The following LGI3 variants were observed in gnomAD, a reference collection of about 807,000 sequenced individuals.
LGI3 encodes leucine rich repeat LGI family member 3, also known as leucine-rich repeat LGI family member 3.
LGI3 carries 47 observed loss-of-function variants against 55.4 expected under a neutral mutation model. The observed-to-expected ratio is 0.85, with a 90% confidence interval of 0.67 to 1.08. The LOEUF is 1.08. Among genes scored for constraint, LGI3 ranks in the 50% least tolerant of loss-of-function variants. LGI3 has a pLI of 0.00. For synonymous variants in LGI3, 326 were observed against 315.0 expected, an observed-to-expected ratio of 1.04 and a Z score of -0.37; for missense variants, 664 against 726.3, an observed-to-expected ratio of 0.91 and a Z score of 0.99.
In LGI3 at chr8:22,148,784, C is replaced by G. The variant is rs1827340411; in HGVS notation, c.1023G>C (p.Trp341Cys). The change falls in exon 8 of 8, where the codon TGG (tryptophan) becomes TGC (cysteine). Residue 341 changes from tryptophan to cysteine, a missense_variant. Coordinates refer to ENST00000306317, the MANE Select transcript of LGI3 (RefSeq NM_139278.4). The surrounding 1 kb of genome is among the most constrained non-coding windows in gnomAD (Gnocchi z 7.0). Reference sequence around the variant, plus strand: ...TGGAGCTGTCAGCCACGGCAAAGTACCAGTCACCGTCGATGCGGAAGGCTT... The same window carrying G: ...TGGAGCTGTCAGCCACGGCAAAGTAGCAGTCACCGTCGATGCGGAAGGCTT... The part of the protein sequence containing the change: ...DLEAFRIDGD[W>C]YFAVADSSKA... 9.3e-6 allele frequency: 15 copies of G among 1,614,154 alleles called. No homozygotes were observed. Among genetic ancestry groups the G allele is most frequent in the Non-Finnish European group, 1.3e-5 (15 of 1,180,032 alleles).
At position 22,147,548 on chromosome 8, in the gene LGI3, T is replaced by C; in HGVS notation, c.*612A>G. Reference sequence around the variant, plus strand: ...AGAGAGGCAAGGTAACAGGAGAGCCTGGTAGGCAGTGCTGAATCTGCTTGT... The same window carrying C: ...AGAGAGGCAAGGTAACAGGAGAGCCCGGTAGGCAGTGCTGAATCTGCTTGT... On this transcript the variant is annotated 3_prime_UTR_variant, in exon 8 of 8. Coordinates refer to ENST00000306317, the MANE Select transcript of LGI3 (RefSeq NM_139278.4). The C allele has an allele frequency of 6.6e-6, 1 of 152,640 alleles. No homozygotes were observed. The highest frequency in any genetic ancestry group is 1.5e-5 in the Non-Finnish European group (1 of 68,516). 9.5% of individuals were successfully genotyped at this position (152,640 alleles called of 1,614,324 possible). A position where few individuals can be genotyped will look rare whatever the true frequency, so the allele number is the denominator to read the frequency against.
At chr8:22,153,296 G>A (rs548873224) in intron 5 of LGI3, among the ~76,000 whole-genome samples, 96 of 151,396 alleles carry the variant, frequency 6.3e-4, no homozygotes, top group African/African-American at 2.2e-3. Flanking sequence ...TGTTGGCCAG[G>A]CTGGTCTGGA....
In LGI3 at chr8:22,148,374, C is replaced by T. The variant is rs781696385; in HGVS notation, c.1433G>A (p.Arg478His). ...LALQPFLVGG[R>H]RYLALGSDFS... ...ATCACTGCCCAGTGCCAGGTAGCGG[C>T]GGCCACCCACAAGGAAGGGCTGCAG... Residue 478 changes from arginine (R) to histidine (H), a missense_variant, in exon 8 of 8, where the codon CGC (arginine) becomes CAC (histidine). Transcript: ENST00000306317. The surrounding 1 kb of genome is among the most constrained non-coding windows in gnomAD (Gnocchi z 7.0). 2.5e-5 allele frequency: 40 copies of T among 1,613,282 alleles called. No individual in the cohort carries two copies. The East Asian group carries it at 8.5e-4, about 34-fold the overall frequency.
chr8:22,154,501 C>T, intron 3 of LGI3, 59 bp downstream of exon 3: 1 of 1,500,848 alleles, frequency 6.7e-7, no homozygotes, highest in Non-Finnish European at 9.3e-7. Flanking sequence ...CCCTCGGCCT[C>T]CCAGGCCTGG....
At chr8:22,149,849 G>A (rs535310517) in intron 7 of LGI3, among the ~76,000 whole-genome samples, 1 of 152,040 alleles carries the variant, frequency 6.6e-6, no homozygotes, top group Admixed American at 6.6e-5. Context: ...GGTTTGGTCT[G>A]CCCTGCCCAG....
At position 22,148,274 on chromosome 8, in the gene LGI3, C is replaced by T. The variant is rs1827331511; in HGVS notation, c.1533G>A (p.Gln511=). 6 of 1,614,040 alleles carry T rather than the reference C, an allele frequency of 3.7e-6. No individual in the cohort carries two copies. The highest frequency in any genetic ancestry group is 1.3e-5 in the African/African-American group (1 of 74,932). The part of the protein sequence containing the change: ...KFVRFQELAV[Q]APRAFCYMPA... ...GCATGTAGCAGAAGGCCCGAGGAGCCTGCACAGCCAGCTCCTGGAACCGTA... is the reference window on the plus strand; with the variant it reads ...GCATGTAGCAGAAGGCCCGAGGAGCTTGCACAGCCAGCTCCTGGAACCGTA... The change falls in exon 8 of 8, where the codon CAG becomes CAA. Residue 511 remains glutamine, a synonymous_variant. Coordinates refer to ENST00000306317, the MANE Select transcript of LGI3 (RefSeq NM_139278.4). This position sits in a 1 kb window ranked among gnomAD's most constrained non-coding sequence, Gnocchi z 7.0.
chr8:22,151,856 C>T lies in LGI3; in HGVS notation c.639G>A (p.Leu213=), dbSNP rs767970846. ...CTGTGGTGATGCAATCGAACTCCCGCAGCGGCAGGTCCTGCACCTTGTGCT... is the reference window on the plus strand; with the variant it reads ...CTGTGGTGATGCAATCGAACTCCCGTAGCGGCAGGTCCTGCACCTTGTGCT... ...FQEHKVQDLP[L]REFDCITTDF... is the part of the protein sequence containing the mutation. The change falls in exon 6 of 8, where the codon CTG becomes CTA. Residue 213 remains leucine (L), a synonymous_variant. Coordinates refer to ENST00000306317, the MANE Select transcript of LGI3 (RefSeq NM_139278.4). 3.7e-6 allele frequency: 6 copies of T among 1,611,564 alleles called. No homozygotes were observed. Among genetic ancestry groups the T allele is most frequent in the Non-Finnish European group, 5.1e-6 (6 of 1,178,686 alleles).
Position 22,148,037 on chromosome 8 carries a change from G to T in LGI3, c.*123C>A. ...GTGCGCCTGTACACACTGGGCGTGT[G>T]CGGATACAAGGGCATGAATGCAGGT... On this transcript the variant is annotated 3_prime_UTR_variant, in exon 8 of 8. Coordinates refer to ENST00000306317, the MANE Select transcript of LGI3 (RefSeq NM_139278.4). The surrounding 1 kb of genome is among the most constrained non-coding windows in gnomAD (Gnocchi z 7.0). 1 of 811,408 alleles carries T rather than the reference G, an allele frequency of 1.2e-6. No individual in the cohort carries two copies. Among genetic ancestry groups the T allele is most frequent in the South Asian group, 1.7e-5 (1 of 60,052 alleles). The allele number at this position is 811,408 out of a possible 1,614,324, so 50.3% of individuals were successfully genotyped here. A position where few individuals can be genotyped will look rare whatever the true frequency, so the allele number is the denominator to read the frequency against.
intron 4 of LGI3, 32 bp from the exon 5 acceptor site, chr8:22,154,071 TC>T (rs758172342): frequency 1.9e-6 from 3 of 1,613,760 alleles, no homozygotes; most frequent in Non-Finnish European, 1.7e-6. Context: ...CATCTGAAGA[TC>T]ATGAGCAAGG....
intron 5 of LGI3, among the ~76,000 whole-genome samples, chr8:22,152,862 C>T (rs1271856855): frequency 1.3e-5 from 2 of 151,312 alleles, no homozygotes; most frequent in Non-Finnish European, 2.9e-5. Flanking sequence ...ACCAGCCTGA[C>T]CAACATGGAG....
At position 22,155,471 on chromosome 8, in the gene LGI3, G is replaced by A. The variant is rs763538842; in HGVS notation, c.207-8C>T. 70 of 1,612,970 alleles carry A rather than the reference G, an allele frequency of 4.3e-5. No homozygotes were observed. Among genetic ancestry groups the A allele is most frequent in the Non-Finnish European group, 5.9e-5 (70 of 1,179,522 alleles). On this transcript the variant is annotated splice_polypyrimidine_tract_variant and splice_region_variant and intron_variant, in intron 1 of 7. Transcript: ENST00000306317. ...GCGGCATTCACCAGGGTCCTGCGGGGACACCCGAGTCAGTACTGTGGGGTC... is the reference window on the plus strand; with the variant it reads ...GCGGCATTCACCAGGGTCCTGCGGGAACACCCGAGTCAGTACTGTGGGGTC...
chr8:22,151,778 A>G (rs1827382064), intron 6 of LGI3, 53 bp downstream of exon 6: 4 of 1,578,190 alleles, frequency 2.5e-6, no homozygotes, highest in Non-Finnish European at 3.5e-6. Context: ...CGTGTCTGTA[A>G]AGCTGCCTTG....
chr8:22,147,707 A>G lies in LGI3; in HGVS notation c.*453T>C. 1 of 166,728 alleles carries G rather than the reference A, an allele frequency of 6.0e-6. No individual in the cohort carries two copies. Among genetic ancestry groups the G allele is most frequent in the Non-Finnish European group, 1.3e-5 (1 of 76,664 alleles). The allele number at this position is 166,728 out of a possible 1,614,324, so 10.3% of individuals were successfully genotyped here. A position where few individuals can be genotyped will look rare whatever the true frequency, so the allele number is the denominator to read the frequency against. Reference sequence around the variant, plus strand: ...GGGGCAGGGGTGAGTGGCCCCGGGGAAGCATGACAGATATGGCTGTGGGCT... The same window carrying G: ...GGGGCAGGGGTGAGTGGCCCCGGGGGAGCATGACAGATATGGCTGTGGGCT... On this transcript the variant is annotated 3_prime_UTR_variant, in exon 8 of 8. Coordinates refer to ENST00000306317, the MANE Select transcript of LGI3 (RefSeq NM_139278.4).
Position 22,154,177 on chromosome 8 carries a change from C to T in LGI3, c.387G>A (p.Lys129=). The T allele has an allele frequency of 6.2e-7, 1 of 1,614,082 alleles. No homozygotes were observed. The highest frequency in any genetic ancestry group is 1.3e-5 in the African/African-American group (1 of 75,002). ...AGGACTTGAGTCCTCGGAAGGTGAA[C>T]TTGGATAGTGCCCAGATGTCATTGT... The part of the protein sequence containing the change: ...IENNDIWALS[K]FTFRGLKSLT... Residue 129 remains lysine (K), a synonymous_variant, in exon 4 of 8, where the codon AAG becomes AAA. Coordinates refer to ENST00000306317, the MANE Select transcript of LGI3 (RefSeq NM_139278.4).
In LGI3 at chr8:22,152,470, A is replaced by T. The variant is rs536478066; in HGVS notation, c.495-470T>A. 6.6e-5 allele frequency among the ~76,000 whole-genome samples: 10 copies of T among 152,312 alleles called. No homozygotes were observed. The South Asian group carries it at 1.7e-3, about 25-fold the overall frequency. ...TACATTTAAAAAGCACAGGCTGGGC[A>T]TGGTGGCTCACACCTGTAATCCCAA... is the stretch of plus-strand genomic sequence containing the variant. On this transcript the variant is annotated intron_variant, in intron 5 of 7. Transcript: ENST00000306317.
intron 3 of LGI3, 62 bp from the exon 4 acceptor site, chr8:22,154,275 G>T: frequency 3.0e-6 from 4 of 1,321,062 alleles, no homozygotes; most frequent in South Asian, 2.3e-5. Context: ...AGCAGCACTC[G>T]CCCTACGCCC....
At chr8:22,154,922 C>A in intron 2 of LGI3, 1 of 486,720 alleles carries the variant, frequency 2.1e-6, no homozygotes, top group South Asian at 2.4e-5. Flanking sequence ...CTCTCCCCCA[C>A]CCTCATTCTG....
intron 6 of LGI3, 88 bp from the exon 7 acceptor site, chr8:22,151,741 G>A (rs552383529): frequency 2.4e-5 from 37 of 1,565,458 alleles, no homozygotes; most frequent in Non-Finnish European, 3.1e-5. Flanking sequence ...GCTGCCGCTG[G>A]GTGTTGTGGG....
In LGI3 at chr8:22,155,336, G is replaced by C. The variant is rs1827472994; in HGVS notation, c.278+56C>G. ...TCTCCCTCTCCCCAGCCCAGGATTT[G>C]TCCCCTGCTACCACCCCATAGTTCC... is the stretch of plus-strand genomic sequence containing the variant. On this transcript the variant is annotated intron_variant, in intron 2 of 7. Coordinates refer to ENST00000306317, the MANE Select transcript of LGI3 (RefSeq NM_139278.4). 2.6e-6 allele frequency: 4 copies of C among 1,527,606 alleles called. No individual in the cohort carries two copies. In the Admixed American group the frequency reaches 6.7e-5, roughly 26 times the overall value. 94.6% of individuals were successfully genotyped at this position (1,527,606 alleles called of 1,614,324 possible).
Sources: allele counts gnomAD v4.1 joint callset (sites outside exome capture counted in the v4.1 genomes callset), GRCh38; gene constraint gnomAD v4.1.1; non-coding constraint Gnocchi (gnomAD v3.1); transcripts MANE v1.5; gene names NCBI Gene and HGNC (gene_info 2026-07-23, HGNC 2026-07-21).